Variants in PATL2 observed in about 807,000 individuals in gnomAD.
PATL2 encodes the protein PAT1 homolog 2.
A neutral mutation model predicts 77.0 loss-of-function variants in PATL2; 73 were observed. The ratio of observed to expected loss-of-function variants is 0.95; its 90% CI spans 0.78 to 1.15. The LOEUF (loss-of-function observed/expected upper bound fraction) is 1.15. Among genes scored for constraint, PATL2 ranks in the 50% most tolerant of loss-of-function variants. The probability of loss-of-function intolerance (pLI) is 0.00; values close to 1 mark genes in which losing one functional copy is unlikely to be tolerated. For missense variants in PATL2, 618 were observed against 655.4 expected (o/e 0.94, Z 0.62); for synonymous variants, 265 against 257.1 (o/e 1.03, Z -0.29).
At chr15:44,676,691 G>T in intron 3 of PATL2, 126 bp from the exon 4 acceptor site, 1 of 1,194,938 alleles carries the variant, frequency 8.4e-7, no homozygotes, top group Non-Finnish European at 1.1e-6. Flanking sequence ...CTTGAGGAGA[G>T]AGACCCTGGG....
At chr15:44,666,591 G>T in intron 16 of PATL2, 50 bp from the exon 17 acceptor site, 1 of 1,449,266 alleles carries the variant, frequency 6.9e-7, no homozygotes, top group South Asian at 1.5e-5. Context: ...TTAAGAAACA[G>T]ACTCAGGGCC....
At chr15:44,667,052 G>T in intron 16 of PATL2, 54 bp downstream of exon 16, 1 of 1,362,648 alleles carries the variant, frequency 7.3e-7, no homozygotes, top group Non-Finnish European at 1.0e-6. Flanking sequence ...ACCTGGCTCA[G>T]TCTGCACATC....
At position 44,711,196 on chromosome 15, in the gene PATL2, T is replaced by A; in HGVS notation, c.-430A>T. On this transcript the variant is annotated 5_prime_UTR_variant, in exon 1 of 18. Transcript: ENST00000682850. The stretch of plus-strand genomic sequence containing the variant: ...CACCATTAGCAAGTCACTTAGCATC[T>A]CTGGGGCCAGTCTGCAAAGCGAGGG... 4.2e-6 allele frequency: 2 copies of A among 480,692 alleles called. No individual in the cohort carries two copies. Among genetic ancestry groups the A allele is most frequent in the South Asian group, 4.3e-5 (2 of 46,802 alleles). 29.8% of individuals were successfully genotyped at this position (480,692 alleles called of 1,614,324 possible).
At chr15:44,668,199 A>G (rs2085479063) in intron 15 of PATL2, 143 bp downstream of exon 15, 8 of 1,102,780 alleles carry the variant, frequency 7.3e-6, no homozygotes, top group Admixed American at 3.1e-5. Flanking sequence ...ATAAGCTTCC[A>G]GGTGATCATG....
intron 15 of PATL2, among the ~76,000 whole-genome samples, chr15:44,667,565 TG>T (rs2085444069): frequency 6.6e-6 from 1 of 152,146 alleles, no homozygotes; most frequent in South Asian, 2.1e-4. Flanking sequence ...ATGGCATACA[TG>T]AGATAACCCA....
chr15:44,669,458 C>G, intron 12 of PATL2, 45 bp from the exon 13 acceptor site: 1 of 1,548,742 alleles, frequency 6.5e-7, no homozygotes, highest in Non-Finnish European at 8.7e-7. Context: ...TGGGTAATAT[C>G]TCATTCTCAA....
At chr15:44,666,331 G>C in intron 17 of PATL2, 61 bp downstream of exon 17, 3 of 1,533,198 alleles carry the variant, frequency 2.0e-6, no homozygotes, top group Non-Finnish European at 1.8e-6. Flanking sequence ...AGTGAAGCAA[G>C]TAACAGAACA....
At position 44,676,581 on chromosome 15, in the gene PATL2, G is replaced by A; in HGVS notation, c.-75-16C>T. ...GAAGGTAAACCTGAGACAAGAAAGAGGCCAAGAGGCACCATCCTCAGTCAG... is the reference window on the plus strand; with the variant it reads ...GAAGGTAAACCTGAGACAAGAAAGAAGCCAAGAGGCACCATCCTCAGTCAG... On this transcript the variant is annotated splice_polypyrimidine_tract_variant and intron_variant, in intron 3 of 17. Coordinates refer to ENST00000682850, the MANE Select transcript of PATL2 (RefSeq NM_001387263.1). 8 of 1,540,796 alleles carry A rather than the reference G, an allele frequency of 5.2e-6. No individual in the cohort carries two copies. The highest frequency in any genetic ancestry group is 7.0e-6 in the Non-Finnish European group (8 of 1,138,528).
intron 3 of PATL2, among the ~76,000 whole-genome samples, chr15:44,696,150 T>A: frequency 6.6e-6 from 1 of 152,214 alleles, no homozygotes; most frequent in East Asian, 1.9e-4. Context: ...ATTCTGCAGT[T>A]TTAAGTAGGA....
At chr15:44,688,102 C>T (rs963345254) in intron 3 of PATL2, among the ~76,000 whole-genome samples, 1 of 151,794 alleles carries the variant, frequency 6.6e-6, no homozygotes, top group African/African-American at 2.4e-5. Flanking sequence ...AAAAATTAGC[C>T]AGGTGTGGTG....
chr15:44,668,429 G>A lies in PATL2; in HGVS notation c.1278C>T (p.Leu426=). Residue 426 remains leucine, a synonymous_variant, in exon 15 of 18, where the codon CTC becomes CTT. Coordinates refer to ENST00000682850, the MANE Select transcript of PATL2 (RefSeq NM_001387263.1). ...PLGKCISHLT[L]HELLQGLQGL... is the part of the protein sequence containing the mutation. ...CCTGAAGTCCTTGGAGGAGTTCGTGGAGGGTCAAGTGACTAATACATTTGC... is the reference window on the plus strand; with the variant it reads ...CCTGAAGTCCTTGGAGGAGTTCGTGAAGGGTCAAGTGACTAATACATTTGC... 1 of 1,551,410 alleles carries A rather than the reference G, an allele frequency of 6.4e-7. No homozygotes were observed. Among genetic ancestry groups the A allele is most frequent in the East Asian group, 2.4e-5 (1 of 40,924 alleles).
chr15:44,707,716 A>G (rs2086769808), intron 3 of PATL2, among the ~76,000 whole-genome samples: 1 of 152,134 alleles, frequency 6.6e-6, no homozygotes, highest in Non-Finnish European at 1.5e-5. Context: ...GGTGCAAGCA[A>G]TCCCTTGGCC....
At chr15:44,707,514 GAAA>G in intron 3 of PATL2, among the ~76,000 whole-genome samples, 1 of 152,288 alleles carries the variant, frequency 6.6e-6, no homozygotes, top group Middle Eastern at 3.4e-3. Flanking sequence ...GGTGTGGCTA[GAAA>G]TGTCAGCTTG....
chr15:44,679,395 T>G (rs1033680567), intron 3 of PATL2, among the ~76,000 whole-genome samples: 2 of 151,962 alleles, frequency 1.3e-5, no homozygotes, highest in African/African-American at 4.8e-5. Flanking sequence ...GCCCGGCTAA[T>G]TTTTGTATTT....
chr15:44,667,165 C>T lies in PATL2; in HGVS notation c.1404G>A (p.Gly468=). ...ISLLYALLSH[G]EQLVSLHSSL... ...AAGAATGCAGCGATACCAGTTGCTCCCCATGGCTCAGCAGGGCATAGAGCA... is the reference window on the plus strand; with the variant it reads ...AAGAATGCAGCGATACCAGTTGCTCTCCATGGCTCAGCAGGGCATAGAGCA... Residue 468 remains glycine (G), a synonymous_variant, in exon 16 of 18, where the codon GGG becomes GGA. Coordinates refer to ENST00000682850, the MANE Select transcript of PATL2 (RefSeq NM_001387263.1). The T allele has an allele frequency of 6.4e-7, 1 of 1,551,642 alleles. No individual in the cohort carries two copies. The highest frequency in any genetic ancestry group is 8.7e-7 in the Non-Finnish European group (1 of 1,146,974).
intron 11 of PATL2, 60 bp downstream of exon 11, chr15:44,669,717 A>G (rs1230032308): frequency 1.3e-6 from 2 of 1,528,612 alleles, no homozygotes; most frequent in Non-Finnish European, 1.8e-6. Context: ...AAACACAAGA[A>G]TGTTCTAGAC....
chr15:44,674,801 G>A (rs2085871469), intron 5 of PATL2: 1 of 151,844 alleles, frequency 6.6e-6, no homozygotes, highest in African/African-American at 2.4e-5. Flanking sequence ...AGGCTGGTGT[G>A]GAAGTCCTGG....
chr15:44,686,686 G>A (rs996387983), intron 3 of PATL2, among the ~76,000 whole-genome samples: 4 of 151,206 alleles, frequency 2.6e-5, no homozygotes, highest in African/African-American at 9.7e-5. Flanking sequence ...AAAGAGAGAA[G>A]AATAAAATAG....
chr15:44,667,933 ACTAT>A (rs920260169), intron 15 of PATL2, among the ~76,000 whole-genome samples: 3 of 152,216 alleles, frequency 2.0e-5, no homozygotes, highest in African/African-American at 7.2e-5. Context: ...ACAGAGCGAG[ACTAT>A]CTAAAAAATA....
Sources: allele counts gnomAD v4.1 joint callset (sites outside exome capture counted in the v4.1 genomes callset), GRCh38; gene constraint gnomAD v4.1.1; transcripts MANE v1.5; gene names NCBI Gene and HGNC (gene_info 2026-07-23, HGNC 2026-07-21).